ADGRB3: variants seen among roughly 807,000 people sequenced by gnomAD.
ADGRB3 encodes brain-specific angiogenesis inhibitor 3.
Under a neutral mutation model 193.4 loss-of-function variants are expected in ADGRB3, and 37 were observed. That is an observed-to-expected ratio of 0.19 (90% CI 0.15 to 0.25). The LOEUF (loss-of-function observed/expected upper bound fraction) is 0.25, where lower values mean the gene tolerates loss of function less well. Among genes scored for constraint, ADGRB3 ranks in the 10% least tolerant of loss-of-function variants. The pLI is 1.00. For missense variants in ADGRB3, 1,637 were observed against 1,852.9 expected (o/e 0.88, Z 2.14); for synonymous variants, 690 against 644.2 (o/e 1.07, Z -1.08).
intron 3 of ADGRB3, among the ~76,000 whole-genome samples, chr6:68,695,704 G>C (rs550077273): frequency 4.7e-4 from 71 of 152,100 alleles, no homozygotes; most frequent in African/African-American, 1.5e-3. Flanking sequence ...GAGACTTGCA[G>C]TCTATTCTTG....
chr6:68,683,897 G>A (rs1045367051), intron 3 of ADGRB3, among the ~76,000 whole-genome samples: 1 of 152,132 alleles, frequency 6.6e-6, no homozygotes, highest in East Asian at 1.9e-4. Context: ...AGTGACAGAT[G>A]TAAGTGCATA....
chr6:68,944,334 G>C (rs1246664956), intron 6 of ADGRB3, among the ~76,000 whole-genome samples: 3 of 152,062 alleles, frequency 2.0e-5, no homozygotes, highest in African/African-American at 7.2e-5. Flanking sequence ...CTTCACACTG[G>C]AACTAGGGAG....
intron 19 of ADGRB3, among the ~76,000 whole-genome samples, chr6:69,235,947 T>A (rs1231659775): frequency 1.3e-5 from 2 of 151,868 alleles, no homozygotes; most frequent in African/African-American, 4.8e-5. Context: ...TCCACTTTTA[T>A]TATTGAAAAA....
intron 20 of ADGRB3, among the ~76,000 whole-genome samples, chr6:69,275,923 G>T (rs1484608542): frequency 6.6e-6 from 1 of 152,128 alleles, no homozygotes; most frequent in Admixed American, 6.5e-5. Flanking sequence ...AAAAAGCCAT[G>T]TCCAAACATA....
intron 3 of ADGRB3, among the ~76,000 whole-genome samples, chr6:68,915,979 TA>T (rs970331164): frequency 1.3e-5 from 2 of 150,194 alleles, no homozygotes; most frequent in East Asian, 1.9e-4. Context: ...TAAAATTAAA[TA>T]AAAAATATAA....
At chr6:69,050,208 T>A (rs565702895) in intron 15 of ADGRB3, among the ~76,000 whole-genome samples, 2 of 152,136 alleles carry the variant, frequency 1.3e-5, no homozygotes, top group South Asian at 4.2e-4. Flanking sequence ...ATAAAAACAA[T>A]TAGAGTTCAG....
chr6:68,943,812 T>A lies in ADGRB3; in HGVS notation c.1031-18T>A. ...ACTGCTCTGCTTTTGTTGTTGAAGC[T>A]TCTTTGCTTTATTACAGTACACGGA... On this transcript the variant is annotated intron_variant, in intron 5 of 31. Transcript: ENST00000370598. 1.3e-6 allele frequency: 2 copies of A among 1,569,660 alleles called. No individual in the cohort carries two copies. Among genetic ancestry groups the A allele is most frequent in the Non-Finnish European group, 1.7e-6 (2 of 1,151,346 alleles).
At chr6:68,951,173 C>T (rs1161246265) in intron 6 of ADGRB3, among the ~76,000 whole-genome samples, 1 of 152,050 alleles carries the variant, frequency 6.6e-6, no homozygotes, top group Non-Finnish European at 1.5e-5. Flanking sequence ...CAGTGTTATT[C>T]TGGATTTTAA....
At chr6:69,242,704 A>C (rs1322565234) in intron 20 of ADGRB3, among the ~76,000 whole-genome samples, 1 of 151,940 alleles carries the variant, frequency 6.6e-6, no homozygotes, top group Non-Finnish European at 1.5e-5. Flanking sequence ...AACCAAGTGC[A>C]TTTTATTATA....
intron 3 of ADGRB3, among the ~76,000 whole-genome samples, chr6:68,828,708 T>C (rs1164307196): frequency 6.6e-6 from 1 of 152,166 alleles, no homozygotes; most frequent in Non-Finnish European, 1.5e-5. Context: ...CTTTCAACAC[T>C]AATTAAAACC....
chr6:69,038,544 T>C (rs1770941637), intron 13 of ADGRB3, among the ~76,000 whole-genome samples: 1 of 152,194 alleles, frequency 6.6e-6, no homozygotes, highest in Admixed American at 6.5e-5. Context: ...CAAAAATGAA[T>C]TCTACCACAT....
At chr6:68,718,760 G>T (rs1219888979) in intron 3 of ADGRB3, among the ~76,000 whole-genome samples, 1 of 151,740 alleles carries the variant, frequency 6.6e-6, no homozygotes, top group African/African-American at 2.4e-5. Flanking sequence ...TACCTACTGT[G>T]TAAGTGCTAA....
chr6:68,937,727 G>A (rs1406615666), intron 5 of ADGRB3, among the ~76,000 whole-genome samples: 9 of 152,136 alleles, frequency 5.9e-5, no homozygotes, highest in Admixed American at 4.6e-4. Context: ...GTAAGAACAG[G>A]AATAATGTCA....
intron 3 of ADGRB3, among the ~76,000 whole-genome samples, chr6:68,872,573 G>A (rs1765490587): frequency 6.6e-6 from 1 of 152,092 alleles, no homozygotes; most frequent in African/African-American, 2.4e-5. Flanking sequence ...CCAGATGAGA[G>A]TTTGCCAGGA....
chr6:69,276,983 G>T, intron 20 of ADGRB3, among the ~76,000 whole-genome samples: 1 of 149,910 alleles, frequency 6.7e-6, no homozygotes, highest in African/African-American at 2.5e-5. Flanking sequence ...CATTACTATA[G>T]TCTTTCTTTT....
intron 28 of ADGRB3, 47 bp downstream of exon 28, chr6:69,355,907 C>T (rs1175911579): frequency 7.0e-7 from 1 of 1,434,720 alleles, no homozygotes; most frequent in Non-Finnish European, 9.8e-7. Flanking sequence ...GATGTTCAAT[C>T]ATTTCTATAG....
chr6:69,018,763 A>G (rs973785720), intron 13 of ADGRB3, among the ~76,000 whole-genome samples: 2 of 152,012 alleles, frequency 1.3e-5, no homozygotes, highest in African/African-American at 2.4e-5. Context: ...ATGTATATGT[A>G]GGATAATATG....
intron 3 of ADGRB3, among the ~76,000 whole-genome samples, chr6:68,895,599 TC>T (rs1766197353): frequency 6.6e-6 from 1 of 152,010 alleles, no homozygotes; most frequent in Non-Finnish European, 1.5e-5. Flanking sequence ...ATACCTACAG[TC>T]TTGAAACTTG....
chr6:68,877,411 G>A (rs80269247), intron 3 of ADGRB3, among the ~76,000 whole-genome samples: 5 of 151,850 alleles, frequency 3.3e-5, no homozygotes, highest in Non-Finnish European at 5.9e-5. Context: ...CAGAACAATC[G>A]CTTATCAAGC....
Sources: allele counts gnomAD v4.1 joint callset (sites outside exome capture counted in the v4.1 genomes callset), GRCh38; gene constraint gnomAD v4.1.1; transcripts MANE v1.5; gene names NCBI Gene and HGNC (gene_info 2026-07-23, HGNC 2026-07-21).